NUP210L: variants seen among roughly 807,000 people sequenced by gnomAD.
NUP210L encodes nuclear pore membrane glycoprotein 210-like.
Under a neutral mutation model 208.5 loss-of-function variants are expected in NUP210L, and 74 were observed. The ratio of observed to expected loss-of-function variants is 0.35; its 90% CI spans 0.29 to 0.43. The LOEUF (loss-of-function observed/expected upper bound fraction) is 0.43. Ranked by LOEUF, NUP210L falls within the 20% of genes least tolerant of loss-of-function variation. The pLI, the probability that NUP210L is intolerant of heterozygous loss-of-function variation, is 1.00. For synonymous variants in NUP210L, 780 were observed against 816.9 expected, an observed-to-expected ratio of 0.95 and a Z score of 0.77; for missense variants, 1,843 against 2,289.4, an observed-to-expected ratio of 0.81 and a Z score of 3.98.
intron 4 of NUP210L, 46 bp from the exon 5 acceptor site, chr1:154,139,998 G>A: frequency 1.3e-6 from 2 of 1,488,380 alleles, no homozygotes; most frequent in South Asian, 1.2e-5. Context: ...TTAAACGAAG[G>A]GTTCTTCCAA....
chr1:154,000,823 T>C, intron 37 of NUP210L, 33 bp downstream of exon 37: 6 of 1,576,124 alleles, frequency 3.8e-6, no homozygotes, highest in Non-Finnish European at 5.2e-6. Flanking sequence ...TCTTTTCCTC[T>C]CTAGATTATA....
intron 35 of NUP210L, among the ~76,000 whole-genome samples, chr1:154,008,350 A>C (rs933052363): frequency 6.6e-6 from 1 of 151,954 alleles, no homozygotes; most frequent in Admixed American, 6.6e-5. Flanking sequence ...AGAGTTTGAG[A>C]CCAGCCTGAG....
At chr1:154,004,064 G>C (rs886875251) in intron 35 of NUP210L, among the ~76,000 whole-genome samples, 1 of 149,988 alleles carries the variant, frequency 6.7e-6, no homozygotes, top group East Asian at 2.0e-4. Context: ...AGGTATCCTT[G>C]CCTGTTTTTT....
chr1:154,004,379 T>C (rs1650386737), intron 35 of NUP210L, among the ~76,000 whole-genome samples: 2 of 151,624 alleles, frequency 1.3e-5, no homozygotes, highest in South Asian at 4.2e-4. Flanking sequence ...TTCTTTTTTT[T>C]TCTTTTGAGA....
exon 1 of NUP210L, chr1:154,154,970 C>G: frequency 4.3e-6 from 7 of 1,614,142 alleles, no homozygotes; most frequent in Non-Finnish European, 5.9e-6. Flanking sequence ...GAAACAACAA[C>G]AGGAGGCGGT....
At chr1:154,145,182 C>T (rs1659054359) in intron 2 of NUP210L, among the ~76,000 whole-genome samples, 1 of 150,692 alleles carries the variant, frequency 6.6e-6, no homozygotes, top group South Asian at 2.1e-4. Context: ...CTTTGGGAGG[C>T]CAAGGCGGTC....
intron 25 of NUP210L, among the ~76,000 whole-genome samples, chr1:154,051,969 A>G (rs188436412): frequency 3.3e-5 from 5 of 152,380 alleles, no homozygotes; most frequent in Admixed American, 6.5e-5. Context: ...GACAAGCCAT[A>G]GTGGAAAGAA....
chr1:154,139,243 G>T (rs141918643), intron 5 of NUP210L, among the ~76,000 whole-genome samples: 1 of 152,254 alleles, frequency 6.6e-6, no homozygotes, highest in East Asian at 1.9e-4. Context: ...ATTGGAGAAA[G>T]TGTATGTAGA....
At chr1:154,004,229 C>A (rs1017891667) in intron 35 of NUP210L, among the ~76,000 whole-genome samples, 6 of 150,970 alleles carry the variant, frequency 4.0e-5, no homozygotes, top group African/African-American at 1.5e-4. Flanking sequence ...CCACCACGCC[C>A]GGCTAATTTT....
At chr1:154,026,209 C>G (rs1651869257) in intron 29 of NUP210L, among the ~76,000 whole-genome samples, 1 of 152,010 alleles carries the variant, frequency 6.6e-6, no homozygotes, top group Admixed American at 6.6e-5. Flanking sequence ...GCACTGCAGC[C>G]TGGGGGACAA....
rs149011212 is a variant in NUP210L, at chr1:154,013,006, C to CA, written c.4654-637dup. ...GGGCAACAAGAGTGAAACTCTGAATCAAAAAAAAAAAAAAAAAACAAAGAC... is the reference window on the plus strand; with the variant it reads ...GGGCAACAAGAGTGAAACTCTGAATCAAAAAAAAAAAAAAAAAAACAAAGAC... On this transcript the variant is annotated intron_variant, in intron 33 of 39. Coordinates refer to ENST00000368559, the Ensembl canonical transcript of NUP210L. 2.4e-3 allele frequency among the ~76,000 whole-genome samples: 171 copies of CA among 72,616 alleles called. 2 individuals carry two copies. Among genetic ancestry groups the CA allele is most frequent in the Middle Eastern group, 0.013 (1 of 76 alleles). The allele number at this position is 72,616 out of a possible 152,430, so 47.6% of individuals were successfully genotyped here. A position where few individuals can be genotyped will look rare whatever the true frequency, so the allele number is the denominator to read the frequency against.
chr1:154,126,222 A>C, intron 10 of NUP210L, 101 bp downstream of exon 10: 1 of 969,998 alleles, frequency 1.0e-6, no homozygotes, highest in Non-Finnish European at 1.5e-6. Flanking sequence ...TTTTTCTGAA[A>C]GATAAAGGTG....
intron 25 of NUP210L, among the ~76,000 whole-genome samples, chr1:154,051,290 A>G (rs1489125623): frequency 6.6e-6 from 1 of 152,034 alleles, no homozygotes; most frequent in Non-Finnish European, 1.5e-5. Flanking sequence ...GCTCACTGTA[A>G]GCTCTGCCTC....
chr1:154,019,167 G>T (rs1410232274), intron 32 of NUP210L, 98 bp from the exon 33 acceptor site: 5 of 1,246,320 alleles, frequency 4.0e-6, no homozygotes, highest in African/African-American at 3.0e-5. Context: ...CAAGCATGCA[G>T]ATATCTCTTC....
exon 2 of NUP210L, chr1:154,152,822 C>A: frequency 6.2e-7 from 1 of 1,613,780 alleles, no homozygotes; most frequent in Non-Finnish European, 8.5e-7. Context: ...ACACAAGGTG[C>A]CATTTTCATA....
At chr1:154,018,840 A>G in intron 33 of NUP210L, 93 bp downstream of exon 33, 1 of 1,410,164 alleles carries the variant, frequency 7.1e-7, no homozygotes, top group Non-Finnish European at 9.7e-7. Context: ...TTATGAGTGT[A>G]TTTCCTTTCC....
At position 154,029,851 on chromosome 1, in the gene NUP210L, C is replaced by G. The variant is rs749185835; in HGVS notation, c.3855+45G>C. ...GTTGATGGTAAGAGAATATAACTTT[C>G]TTATCCTTAATATACGAAAATAAGA... On this transcript the variant is annotated intron_variant, in intron 28 of 39. Coordinates refer to ENST00000368559, the Ensembl canonical transcript of NUP210L. The G allele has an allele frequency of 6.7e-6, 10 of 1,492,394 alleles. No individual in the cohort carries two copies. In the East Asian group the frequency reaches 2.1e-4, roughly 31 times the overall value. The allele number at this position is 1,492,394 out of a possible 1,614,324, so 92.4% of individuals were successfully genotyped here. A position where few individuals can be genotyped will look rare whatever the true frequency, so the allele number is the denominator to read the frequency against.
intron 2 of NUP210L, among the ~76,000 whole-genome samples, chr1:154,146,795 G>A (rs1394453815): frequency 2.0e-5 from 3 of 152,052 alleles, no homozygotes; most frequent in Non-Finnish European, 4.4e-5. Context: ...CTCCTTCCAA[G>A]AGGCAAAGGT....
At position 154,030,057 on chromosome 1, in the gene NUP210L, A is replaced by G. The variant is rs369570544; in HGVS notation, c.3697-3T>C. ...TCTACTGGGAGCTGTAGAAAAACCT[A>G]GACAGTGAAGGGATAGATTAAGAAA... On this transcript the variant is annotated splice_region_variant and splice_polypyrimidine_tract_variant and intron_variant, in intron 27 of 39. Transcript: ENST00000368559. The G allele has an allele frequency of 1.1e-5, 18 of 1,569,608 alleles. No individual in the cohort carries two copies. The highest frequency in any genetic ancestry group is 9.4e-5 in the East Asian group (4 of 42,536).
Sources: allele counts gnomAD v4.1 joint callset (sites outside exome capture counted in the v4.1 genomes callset), GRCh38; gene constraint gnomAD v4.1.1; transcripts MANE v1.5; gene names NCBI Gene and HGNC (gene_info 2026-07-23, HGNC 2026-07-21).